Variants in SYT2 observed in about 807,000 individuals in gnomAD.
SYT2 encodes synaptotagmin-2.
A neutral mutation model predicts 39.9 loss-of-function variants in SYT2; 15 were observed. The ratio of observed to expected loss-of-function variants is 0.38; its 90% CI spans 0.25 to 0.58. The LOEUF (loss-of-function observed/expected upper bound fraction) is 0.58. SYT2 is among the 20% of genes least tolerant of loss of function. The pLI is 0.70. For missense variants in SYT2, 389 were observed against 530.3 expected, an observed-to-expected ratio of 0.73 and a Z score of 2.62; for synonymous variants, 181 against 204.5, an observed-to-expected ratio of 0.89 and a Z score of 0.98.
chr1:202,688,930 G>A (rs1289477866), intron 1 of SYT2, among the ~76,000 whole-genome samples: 1 of 152,160 alleles, frequency 6.6e-6, no homozygotes, highest in Non-Finnish European at 1.5e-5. Flanking sequence ...AGATCCAAAT[G>A]GGGAGTCAGG....
chr1:202,675,509 A>G (rs577613586), intron 1 of SYT2, among the ~76,000 whole-genome samples: 4 of 152,224 alleles, frequency 2.6e-5, no homozygotes, highest in South Asian at 2.1e-4. Flanking sequence ...GTCTTTCCCA[A>G]GGGGCTGGAG....
intron 1 of SYT2, among the ~76,000 whole-genome samples, chr1:202,606,581 G>GT (rs1375415927): frequency 1.3e-5 from 2 of 152,074 alleles, no homozygotes; most frequent in African/African-American, 4.8e-5. Flanking sequence ...CTCAGGGTTT[G>GT]TTTTGACCTC....
chr1:202,696,523 T>C (rs1009129326), intron 1 of SYT2, among the ~76,000 whole-genome samples: 1 of 152,250 alleles, frequency 6.6e-6, no homozygotes, highest in Non-Finnish European at 1.5e-5. Flanking sequence ...ATTATTTTAA[T>C]GTCTTGCTTC....
In SYT2 at chr1:202,599,160, C is replaced by T. The variant is rs770227126; in HGVS notation, c.1053+58G>A. ...GTGAGTTCCCTCTCTTCAACCTCCC[C>T]ATACATGTTTGCCTCCCCAAACCCT... On this transcript the variant is annotated intron_variant, in intron 8 of 8. Coordinates refer to ENST00000367268, the MANE Select transcript of SYT2 (RefSeq NM_177402.5). The surrounding 1 kb of genome is among the most constrained non-coding windows in gnomAD (Gnocchi z 4.4). 27 of 1,600,864 alleles carry T rather than the reference C, an allele frequency of 1.7e-5. No individual in the cohort carries two copies. The highest frequency in any genetic ancestry group is 1.8e-4 in the Middle Eastern group (1 of 5,558).
intron 1 of SYT2, among the ~76,000 whole-genome samples, chr1:202,615,337 C>T (rs944381841): frequency 3.3e-5 from 5 of 152,238 alleles, no homozygotes; most frequent in Non-Finnish European, 7.4e-5. Flanking sequence ...ATTCAGGGCC[C>T]GTCTCTCAGT....
chr1:202,602,079 A>G, intron 5 of SYT2, 22 bp from the exon 6 acceptor site: 1 of 1,613,006 alleles, frequency 6.2e-7, no homozygotes, highest in Non-Finnish European at 8.5e-7. Context: ...AAGCAGAATC[A>G]GAGGGGGCCA....
At chr1:202,670,651 G>A (rs1057024727) in intron 1 of SYT2, among the ~76,000 whole-genome samples, 12 of 152,214 alleles carry the variant, frequency 7.9e-5, no homozygotes, top group Admixed American at 2.6e-4. Context: ...ATGACCATTT[G>A]TAACGGCCAA....
intron 1 of SYT2, chr1:202,627,743 A>C: frequency 2.0e-6 from 1 of 511,856 alleles, no homozygotes; most frequent in Non-Finnish European, 2.5e-6. Context: ...CCACTCTTTC[A>C]TCTGATCTTC....
chr1:202,598,424 G>T (rs1466410058), intron 8 of SYT2, among the ~76,000 whole-genome samples: 1 of 152,226 alleles, frequency 6.6e-6, no homozygotes, highest in Non-Finnish European at 1.5e-5. Context: ...GCTGCCCAGT[G>T]TTCCCTTGAA....
rs1690993734 is a variant in SYT2, at chr1:202,614,995, T to C, written c.-17-9206A>G. Among the ~76,000 whole-genome samples the C allele has an allele frequency of 6.6e-6, 1 of 152,188 alleles. No homozygotes were observed. The highest frequency in any genetic ancestry group is 2.4e-5 in the African/African-American group (1 of 41,426). Reference sequence around the variant, plus strand: ...CAAATGTATATTTTAAAAGTTTCGCTTTGGCTGTCGTGAGTAAAAAGACTA... The same window carrying C: ...CAAATGTATATTTTAAAAGTTTCGCCTTGGCTGTCGTGAGTAAAAAGACTA... On this transcript the variant is annotated intron_variant, in intron 1 of 8. Coordinates refer to ENST00000367268, the MANE Select transcript of SYT2 (RefSeq NM_177402.5). This position sits in a 1 kb window ranked among gnomAD's most constrained non-coding sequence, Gnocchi z 4.0.
At chr1:202,698,515 G>A (rs551106929) in intron 1 of SYT2, among the ~76,000 whole-genome samples, 22 of 152,306 alleles carry the variant, frequency 1.4e-4, no homozygotes, top group Non-Finnish European at 2.9e-4. Flanking sequence ...AGCCACAGAA[G>A]GGACATGAAG....
chr1:202,665,928 C>T (rs1170849674), intron 1 of SYT2, among the ~76,000 whole-genome samples: 2 of 152,042 alleles, frequency 1.3e-5, no homozygotes, highest in East Asian at 1.9e-4. Context: ...CCGAGGCAGG[C>T]GGATCACAAG....
chr1:202,610,677 C>T (rs1057459562), intron 1 of SYT2, among the ~76,000 whole-genome samples: 4 of 152,026 alleles, frequency 2.6e-5, no homozygotes, highest in East Asian at 1.9e-4. Context: ...TATACACCAA[C>T]AACAGACAAA....
At chr1:202,654,334 GGC>G in intron 1 of SYT2, among the ~76,000 whole-genome samples, 1 of 152,110 alleles carries the variant, frequency 6.6e-6, no homozygotes, top group East Asian at 1.9e-4. Flanking sequence ...CACGCTCCCT[GGC>G]AGACCCACTT....
At chr1:202,688,856 C>T (rs1039547964) in intron 1 of SYT2, among the ~76,000 whole-genome samples, 3 of 152,120 alleles carry the variant, frequency 2.0e-5, no homozygotes, top group Non-Finnish European at 2.9e-5. Flanking sequence ...GAGATGTCCC[C>T]GGGTGGCCTC....
In SYT2 at chr1:202,614,860, G is replaced by A. The variant is rs1690990191; in HGVS notation, c.-17-9071C>T. Among the ~76,000 whole-genome samples the A allele has an allele frequency of 6.6e-6, 1 of 152,204 alleles. No individual in the cohort carries two copies. Among genetic ancestry groups the A allele is most frequent in the Non-Finnish European group, 1.5e-5 (1 of 68,028 alleles). ...GTTCAGGGTGAGGCTGGCAGGCCGG[G>A]CAGGGCAGGATCAGGAGCACCATAG... On this transcript the variant is annotated intron_variant, in intron 1 of 8. Coordinates refer to ENST00000367268, the MANE Select transcript of SYT2 (RefSeq NM_177402.5). The surrounding 1 kb of genome is among the most constrained non-coding windows in gnomAD (Gnocchi z 4.0).
intron 1 of SYT2, among the ~76,000 whole-genome samples, chr1:202,622,845 T>C (rs1269287805): frequency 2.0e-5 from 3 of 152,100 alleles, no homozygotes; most frequent in Non-Finnish European, 1.5e-5. Flanking sequence ...CAAATATTAA[T>C]AAAACCCAGC....
chr1:202,684,979 C>G (rs1444225519), intron 1 of SYT2, among the ~76,000 whole-genome samples: 1 of 152,074 alleles, frequency 6.6e-6, no homozygotes, highest in Non-Finnish European at 1.5e-5. Context: ...GGGCTGTGGA[C>G]AGGGTTGGGG....
chr1:202,686,653 C>T (rs1366326128), intron 1 of SYT2, among the ~76,000 whole-genome samples: 2 of 152,180 alleles, frequency 1.3e-5, no homozygotes, highest in Admixed American at 1.3e-4. Context: ...GGACAGACAA[C>T]AGCTACTGCT....
Sources: allele counts gnomAD v4.1 joint callset (sites outside exome capture counted in the v4.1 genomes callset), GRCh38; gene constraint gnomAD v4.1.1; non-coding constraint Gnocchi (gnomAD v3.1); transcripts MANE v1.5; gene names NCBI Gene and HGNC (gene_info 2026-07-23, HGNC 2026-07-21).